The following SLC29A2 variants were observed in gnomAD, a reference collection of about 807,000 sequenced individuals.
SLC29A2 encodes solute carrier family 29 member 2, also known as equilibrative nucleoside transporter 2.
A neutral mutation model predicts 48.8 loss-of-function variants in SLC29A2; 37 were observed. The ratio of observed to expected loss-of-function variants is 0.76; its 90% CI spans 0.58 to 1.00. The LOEUF (loss-of-function observed/expected upper bound fraction) is 1.00, where lower values mean the gene tolerates loss of function less well. SLC29A2 is among the 50% of genes least tolerant of loss of function. The pLI is 0.00. For synonymous variants in SLC29A2, 233 were observed against 261.7 expected, an observed-to-expected ratio of 0.89 and a Z score of 1.06; for missense variants, 533 against 578.6, an observed-to-expected ratio of 0.92 and a Z score of 0.81.
intron 10 of SLC29A2, among the ~76,000 whole-genome samples, chr11:66,365,095 C>T (rs7126018): frequency 0.34 from 51,450 of 151,510 alleles, 9,199 homozygotes; most frequent in African/African-American, 0.44. Context: ...TTAGTAGAGA[C>T]GGGGTTTCAC....
rs1802838851 is a variant in SLC29A2, at chr11:66,367,390, G to A, written c.733+74C>T. On this transcript the variant is annotated intron_variant, in intron 7 of 11. Transcript: ENST00000357440. ...GGTGGGCTCTGGCTGGGAACAGATGGAACAGCTTCCCAGGGGAGGTGGCTC... is the reference window on the plus strand; with the variant it reads ...GGTGGGCTCTGGCTGGGAACAGATGAAACAGCTTCCCAGGGGAGGTGGCTC... 6.2e-6 allele frequency: 8 copies of A among 1,293,602 alleles called. No homozygotes were observed. In the Admixed American group the frequency reaches 1.2e-4, roughly 19 times the overall value. The allele number at this position is 1,293,602 out of a possible 1,614,324, so 80.1% of individuals were successfully genotyped here. A position where few individuals can be genotyped will look rare whatever the true frequency, so the allele number is the denominator to read the frequency against.
chr11:66,366,842 G>A (rs528722585), intron 7 of SLC29A2, among the ~76,000 whole-genome samples: 4 of 152,262 alleles, frequency 2.6e-5, no homozygotes, highest in South Asian at 2.1e-4. Context: ...CCAGCTACTC[G>A]GGAGACTGAG....
intron 11 of SLC29A2, 126 bp downstream of exon 11, chr11:66,364,099 G>T: frequency 1.2e-6 from 1 of 818,770 alleles, no homozygotes; most frequent in Non-Finnish European, 2.0e-6. Flanking sequence ...AGCAAGGCCT[G>T]CAGACAGCTA....
chr11:66,371,256 G>A lies in SLC29A2; in HGVS notation c.99C>T (p.Ile33=), dbSNP rs79070770. Residue 33 remains isoleucine, a synonymous_variant, in exon 2 of 12, where the codon ATC becomes ATT. Coordinates refer to ENST00000357440, the MANE Select transcript of SLC29A2 (RefSeq NM_001532.3). ...LGTLLPWNFF[I]TAIPYFQARL... ...CCAGGAGTCTCACCGGGATGGCGGT[G>A]ATGAAGAAGTTCCAGGGAAGGAGGG... 2.8e-4 allele frequency: 450 copies of A among 1,613,788 alleles called. No individual in the cohort carries two copies. In the African/African-American group the frequency reaches 5.8e-3, roughly 21 times the overall value.
intron 7 of SLC29A2, 78 bp from the exon 8 acceptor site, chr11:66,366,642 C>T (rs1158453144): frequency 4.7e-5 from 71 of 1,522,342 alleles, no homozygotes; most frequent in Non-Finnish European, 6.2e-5. Context: ...AAGGGAGATT[C>T]CCAGCAGTTA....
Position 66,364,596 on chromosome 11 carries a change from C to T in SLC29A2, c.1060-172G>A, listed in dbSNP as rs1166169383. On this transcript the variant is annotated intron_variant, in intron 10 of 11. Coordinates refer to ENST00000357440, the MANE Select transcript of SLC29A2 (RefSeq NM_001532.3). ...CTCAGCTCACTGCAACCTCCACCTC[C>T]TGGGTTCAAGAAATCCTCCTGCTTC... The T allele has an allele frequency of 1.2e-5, 7 of 583,720 alleles. No homozygotes were observed. In the East Asian group the frequency reaches 2.0e-4, roughly 17 times the overall value. 36.2% of individuals were successfully genotyped at this position (583,720 alleles called of 1,614,324 possible).
At chr11:66,370,659 C>T (rs1855983157) in intron 2 of SLC29A2, among the ~76,000 whole-genome samples, 1 of 152,040 alleles carries the variant, frequency 6.6e-6, no homozygotes, top group South Asian at 2.1e-4. Context: ...AGATCGAGAC[C>T]ATCCTGGCTA....
chr11:66,366,327 G>A, intron 8 of SLC29A2, 96 bp from the exon 9 acceptor site: 4 of 1,601,984 alleles, frequency 2.5e-6, no homozygotes, highest in Non-Finnish European at 3.4e-6. Flanking sequence ...CTTGGGGCCT[G>A]GCCCAGCTGT....
At chr11:66,369,631 G>C (rs1424325529) in intron 2 of SLC29A2, 99 bp from the exon 3 acceptor site, 4 of 1,377,696 alleles carry the variant, frequency 2.9e-6, no homozygotes, top group South Asian at 2.4e-5. Flanking sequence ...GTGGGGACTT[G>C]TCTGCCTTGT....
At chr11:66,365,632 C>G (rs958823139) in intron 10 of SLC29A2, among the ~76,000 whole-genome samples, 2 of 152,236 alleles carry the variant, frequency 1.3e-5, no homozygotes, top group Non-Finnish European at 2.9e-5. Context: ...AAACCAACCC[C>G]AAAACTAAGA....
chr11:66,366,673 A>G (rs1344410), intron 7 of SLC29A2, 109 bp from the exon 8 acceptor site: 1,233,574 of 1,251,560 alleles, frequency 0.99, 609,683 homozygotes, highest in East Asian at 1. Context: ...TCCTCAGCTC[A>G]GCATGGTGGC....
At position 66,369,092 on chromosome 11, in the gene SLC29A2, GAGA is replaced by G. The variant is rs777367661; in HGVS notation, c.380_382del (p.Phe127del). 12 of 1,599,172 alleles carry G rather than the reference GAGA, an allele frequency of 7.5e-6. No homozygotes were observed. In the Admixed American group the frequency reaches 8.6e-5, roughly 12 times the overall value. On this transcript the variant is annotated inframe_deletion, in exon 4 of 12. Coordinates refer to ENST00000357440, the MANE Select transcript of SLC29A2 (RefSeq NM_001532.3). ...GAAGCAGACGGAGGCCATGGTGATGGAGAAGAAGGGTCCGGGGCTCATGTCCAC... is the reference window on the plus strand; with the variant it reads ...GAAGCAGACGGAGGCCATGGTGATGGAGAAGGGTCCGGGGCTCATGTCCAC...
rs763357349 is a variant in SLC29A2 at position 66,371,595 on chromosome 11, C to T, written c.-4G>A. On this transcript the variant is annotated 5_prime_UTR_variant, in exon 1 of 12. Coordinates refer to ENST00000357440, the MANE Select transcript of SLC29A2 (RefSeq NM_001532.3). ...GCGGGGCGTCTCCTCGCGCCATGGCCGCCGCGGCGGATGCGCCTGGGGTGA... is the reference window on the plus strand; with the variant it reads ...GCGGGGCGTCTCCTCGCGCCATGGCTGCCGCGGCGGATGCGCCTGGGGTGA... 3.2e-6 allele frequency: 5 copies of T among 1,549,000 alleles called. No homozygotes were observed. The highest frequency in any genetic ancestry group is 1.2e-5 in the South Asian group (1 of 84,402).
At chr11:66,369,646 G>C in intron 2 of SLC29A2, 114 bp from the exon 3 acceptor site, 1 of 1,265,990 alleles carries the variant, frequency 7.9e-7, no homozygotes, top group East Asian at 2.3e-5. Context: ...CCTTGTCCTT[G>C]TTCTGTTCCC....
upstream of SLC29A2, chr11:66,372,190 C>T (rs1355028597): frequency 1.3e-5 from 2 of 152,230 alleles, no homozygotes; most frequent in Non-Finnish European, 2.9e-5. Flanking sequence ...GAGCCGGGCC[C>T]GGGCGGGGGA....
chr11:66,367,705 G>A (rs949587283), intron 6 of SLC29A2, 67 bp downstream of exon 6: 24 of 1,532,692 alleles, frequency 1.6e-5, no homozygotes, highest in Middle Eastern at 3.4e-4. Context: ...CCTCTCTCAG[G>A]GCCTCAGGCT....
intron 5 of SLC29A2, 48 bp downstream of exon 5, chr11:66,368,489 C>T (rs764355356): frequency 1.2e-6 from 2 of 1,612,016 alleles, no homozygotes; most frequent in African/African-American, 1.3e-5. Flanking sequence ...CTCTCTTCCC[C>T]AAACCTCAGA....
At chr11:66,369,020 C>G (rs775014107) in intron 4 of SLC29A2, 40 bp downstream of exon 4, 7 of 1,582,330 alleles carry the variant, frequency 4.4e-6, no homozygotes, top group Non-Finnish European at 6.0e-6. Flanking sequence ...CAGGCTGAAG[C>G]CCTGCATAGG....
At chr11:66,371,883 G>T (rs1856069206), upstream of SLC29A2, 1 of 498,212 alleles carries the variant, frequency 2.0e-6, no homozygotes, top group East Asian at 3.6e-5. Context: ...CCCCACCTAG[G>T]GGCCTGCGGA....
Sources: gnomAD v4.1 joint callset for allele counts (sites outside exome capture counted in the v4.1 genomes callset) on GRCh38, gnomAD v4.1.1 for gene constraint, MANE v1.5 for transcripts, NCBI Gene and HGNC (gene_info 2026-07-23, HGNC 2026-07-21) for gene names.